LRRC37A2: variants seen among roughly 807,000 people sequenced by gnomAD.
The protein encoded by LRRC37A2 is leucine-rich repeat-containing protein 37A2.
Under a neutral mutation model 68.8 loss-of-function variants are expected in LRRC37A2, and 9 were observed. That is an observed-to-expected ratio of 0.13 (90% CI 0.08 to 0.23). LRRC37A2 has a LOEUF of 0.23. Ranked by LOEUF, LRRC37A2 falls within the 10% of genes least tolerant of loss-of-function variation. The pLI is 1.00. For missense variants in LRRC37A2, 168 were observed against 950.4 expected, an observed-to-expected ratio of 0.18 and a Z score of 10.82; for synonymous variants, 63 against 367.6, an observed-to-expected ratio of 0.17 and a Z score of 9.48.
At chr17:46,841,921 A>G in the LRRC37A2 span, among the ~76,000 whole-genome samples, 1 of 152,208 alleles carries the variant, frequency 6.6e-6, no homozygotes, top group African/African-American at 2.4e-5. Context: ...GGTCCGCGAG[A>G]GGACAGTCCC....
At chr17:46,941,194 C>T in the LRRC37A2 span, 2 of 1,002,276 alleles carry the variant, frequency 2.0e-6, no homozygotes, top group Non-Finnish European at 2.4e-6. Flanking sequence ...AAGCCAAACT[C>T]CAAGACCAAG....
the LRRC37A2 span, chr17:47,017,065 C>T: frequency 1.5e-6 from 2 of 1,331,028 alleles, no homozygotes; most frequent in Non-Finnish European, 2.0e-6. Context: ...GGAAGGCGTG[C>T]TTGGGCGGGA....
At chr17:46,409,323 G>C in the LRRC37A2 span, among the ~76,000 whole-genome samples, 2 of 144,494 alleles carry the variant, frequency 1.4e-5, no homozygotes, top group Non-Finnish European at 3.0e-5. Context: ...TTAAGACAGG[G>C]TCTCGTTCTG....
chr17:46,890,632 G>A, the LRRC37A2 span, among the ~76,000 whole-genome samples: 2,789 of 152,284 alleles, frequency 0.018, 94 homozygotes, highest in African/African-American at 0.063. Flanking sequence ...CCCCTGAACC[G>A]GGGTCTATCT....
the LRRC37A2 span, among the ~76,000 whole-genome samples, chr17:46,619,835 C>T: frequency 7.9e-5 from 2 of 25,180 alleles, no homozygotes; most frequent in African/African-American, 1.7e-4. Context: ...TTAAAATCTT[C>T]GTTTAATATT....
At chr17:46,498,685 A>C in the LRRC37A2 span, among the ~76,000 whole-genome samples, 1 of 143,418 alleles carries the variant, frequency 7.0e-6, no homozygotes, top group African/African-American at 2.9e-5. Flanking sequence ...AATAAAAGTA[A>C]AAGAAGGTCT....
the LRRC37A2 span, among the ~76,000 whole-genome samples, chr17:46,873,727 G>A: frequency 1.3e-5 from 2 of 150,504 alleles, no homozygotes; most frequent in Admixed American, 6.6e-5. Context: ...ACTGCAGTTG[G>A]CCGGTTGCCA....
chr17:46,749,807 G>A, the LRRC37A2 span: 5 of 1,613,614 alleles, frequency 3.1e-6, no homozygotes, highest in African/African-American at 1.3e-5. Flanking sequence ...ACCACTAGCC[G>A]CAAAGATGTC....
At chr17:47,006,327 T>A in the LRRC37A2 span, among the ~76,000 whole-genome samples, 1 of 151,980 alleles carries the variant, frequency 6.6e-6, no homozygotes, top group Non-Finnish European at 1.5e-5. Context: ...ATTAATTAAT[T>A]AAGGACTGCA....
At chr17:46,537,077 ATTTTTTTTTTTTTTTTTTT>A (rs766255014) in intron 6 of LRRC37A2, among the ~76,000 whole-genome samples, 5 of 34,830 alleles carry the variant, frequency 1.4e-4, no homozygotes, top group African/African-American at 2.0e-4. Context: ...ATTGTGGTCA[ATTTTTTTTTTTTTTTTTTT>A]TTTTTTTTTT....
At chr17:46,457,695 TTGGATGCACACCGAAACATCA>T in the LRRC37A2 span, among the ~76,000 whole-genome samples, 1 of 111,388 alleles carries the variant, frequency 9.0e-6, no homozygotes, top group African/African-American at 3.0e-5. Context: ...GGACATTGGT[TTGGATGCACACCGAAACATCA>T]GCTCTTCCTG....
At chr17:46,978,951 G>A in the LRRC37A2 span, 5 of 1,452,620 alleles carry the variant, frequency 3.4e-6, no homozygotes, top group South Asian at 1.3e-5. Context: ...CCCCGGCGCC[G>A]CCGCCCACGC....
At chr17:46,964,243 C>T in the LRRC37A2 span, 1 of 152,234 alleles carries the variant, frequency 6.6e-6, no homozygotes, top group African/African-American at 2.4e-5. Context: ...GTGGCTTCAT[C>T]AAAAACCCAC....
the LRRC37A2 span, among the ~76,000 whole-genome samples, chr17:47,013,731 T>A: frequency 1.3e-5 from 2 of 152,258 alleles, no homozygotes; most frequent in African/African-American, 4.8e-5. Context: ...GCTAACTTTA[T>A]TTCAGAAAGT....
the LRRC37A2 span, among the ~76,000 whole-genome samples, chr17:46,717,217 C>G: frequency 6.6e-6 from 1 of 152,112 alleles, no homozygotes; most frequent in African/African-American, 2.4e-5. Context: ...ACCTGGAAGA[C>G]CTCATGTTAA....
the LRRC37A2 span, among the ~76,000 whole-genome samples, chr17:46,824,111 A>T: frequency 2.0e-5 from 3 of 152,064 alleles, no homozygotes; most frequent in Admixed American, 2.0e-4. Context: ...GTCCCCTTCC[A>T]AGACCCACTT....
the LRRC37A2 span, among the ~76,000 whole-genome samples, chr17:46,794,958 C>G: frequency 6.6e-6 from 1 of 151,940 alleles, no homozygotes; most frequent in African/African-American, 2.4e-5. Context: ...ACCATGTTGG[C>G]CAGGCTGGTC....
chr17:46,808,070 G>A, the LRRC37A2 span, among the ~76,000 whole-genome samples: 2 of 152,202 alleles, frequency 1.3e-5, no homozygotes, highest in Non-Finnish European at 2.9e-5. Context: ...GCAGCAAAAA[G>A]GACTAAGTAG....
At chr17:46,987,867 G>A in the LRRC37A2 span, among the ~76,000 whole-genome samples, 3 of 152,226 alleles carry the variant, frequency 2.0e-5, no homozygotes. Context: ...TAATGTGGAT[G>A]AACTTCAGAA....
Sources: allele counts gnomAD v4.1 joint callset (sites outside exome capture counted in the v4.1 genomes callset), GRCh38; gene constraint gnomAD v4.1.1; transcripts MANE v1.5; gene names NCBI Gene and HGNC (gene_info 2026-07-23, HGNC 2026-07-21).